The following PDE1C variants were observed in gnomAD, a reference collection of about 807,000 sequenced individuals.
PDE1C encodes phosphodiesterase 1C.
Under a neutral mutation model 93.1 loss-of-function variants are expected in PDE1C, and 62 were observed. That is an observed-to-expected ratio of 0.67 (90% CI 0.54 to 0.82). The LOEUF is 0.82. PDE1C is among the 40% of genes least tolerant of loss of function. PDE1C has a pLI of 0.00. For synonymous variants in PDE1C, 325 were observed against 310.1 expected (o/e 1.05, Z -0.50); for missense variants, 742 against 884.6 (o/e 0.84, Z 2.04).
intron 1 of PDE1C, among the ~76,000 whole-genome samples, chr7:32,413,145 C>G (rs1230545155): frequency 2.0e-5 from 3 of 152,096 alleles, no homozygotes; most frequent in Non-Finnish European, 4.4e-5. Context: ...ATATCAAACT[C>G]TAGTTAGTGG....
chr7:31,712,417 G>A, the PDE1C span, among the ~76,000 whole-genome samples: 1 of 152,224 alleles, frequency 6.6e-6, no homozygotes, highest in Non-Finnish European at 1.5e-5. Flanking sequence ...TCGCTATGGA[G>A]CCGAACACAA....
At chr7:31,839,244 G>A (rs1350263487) in intron 9 of PDE1C, among the ~76,000 whole-genome samples, 2 of 148,020 alleles carry the variant, frequency 1.4e-5, no homozygotes, top group African/African-American at 5.0e-5. Context: ...ATGTATGTGT[G>A]TATATATACA....
intron 16 of PDE1C, chr7:31,784,515 ATTATT>A (rs1479361952): frequency 6.6e-6 from 1 of 151,998 alleles, no homozygotes; most frequent in Non-Finnish European, 1.5e-5. Context: ...TATTTTTCCC[ATTATT>A]TTGTGTTTGT....
At chr7:31,804,911 T>C (rs1786617778) in intron 16 of PDE1C, among the ~76,000 whole-genome samples, 1 of 151,820 alleles carries the variant, frequency 6.6e-6, no homozygotes, top group Non-Finnish European at 1.5e-5. Flanking sequence ...AGAGCAGTGA[T>C]ATGGTTGGCT....
At chr7:31,704,797 C>A in the PDE1C span, among the ~76,000 whole-genome samples, 1 of 152,286 alleles carries the variant, frequency 6.6e-6, no homozygotes, top group South Asian at 2.1e-4. Flanking sequence ...ATAGGCAAAG[C>A]TTTCTGGCTT....
chr7:32,181,322 C>T (rs1300855683), intron 2 of PDE1C, among the ~76,000 whole-genome samples: 1 of 152,172 alleles, frequency 6.6e-6, no homozygotes, highest in East Asian at 1.9e-4. Context: ...CAGAACTCTC[C>T]ACCCCAAATC....
chr7:31,715,794 C>G, the PDE1C span, among the ~76,000 whole-genome samples: 6 of 152,146 alleles, frequency 3.9e-5, no homozygotes, highest in African/African-American at 1.4e-4. Context: ...GCACTAAATA[C>G]CTTAACAAGC....
At chr7:31,894,035 A>T (rs145333033) in intron 2 of PDE1C, among the ~76,000 whole-genome samples, 1 of 152,208 alleles carries the variant, frequency 6.6e-6, no homozygotes, top group African/African-American at 2.4e-5. Context: ...TTCTTTTCCA[A>T]TGAGCTTTAT....
intron 2 of PDE1C, among the ~76,000 whole-genome samples, chr7:31,898,035 T>A (rs1014355528): frequency 5.7e-5 from 3 of 52,372 alleles, no homozygotes; most frequent in African/African-American, 1.2e-4. Context: ...TGTGTGTGTG[T>A]GTGTGTGTGT....
intron 1 of PDE1C, among the ~76,000 whole-genome samples, chr7:32,418,310 AC>A (rs1332570611): frequency 1.3e-5 from 2 of 152,080 alleles, no homozygotes; most frequent in African/African-American, 4.8e-5. Context: ...TTCAAGTAAG[AC>A]CCCCGTACTC....
intron 2 of PDE1C, among the ~76,000 whole-genome samples, chr7:32,019,920 T>C (rs1283230308): frequency 6.6e-6 from 1 of 152,118 alleles, no homozygotes; most frequent in African/African-American, 2.4e-5. Context: ...AGGGTGGATA[T>C]ATAGGTCTGA....
intron 1 of PDE1C, among the ~76,000 whole-genome samples, chr7:32,305,543 C>T (rs999241575): frequency 2.6e-5 from 4 of 152,184 alleles, no homozygotes; most frequent in African/African-American, 4.8e-5. Context: ...TTGACTCATC[C>T]AAATCTGAAA....
chr7:32,228,888 C>G (rs113220521), intron 1 of PDE1C, among the ~76,000 whole-genome samples: 17 of 152,316 alleles, frequency 1.1e-4, no homozygotes, highest in African/African-American at 4.1e-4. Context: ...CCACTCTGCA[C>G]CCCCAGGTGA....
intron 1 of PDE1C, among the ~76,000 whole-genome samples, chr7:32,069,060 AC>A (rs745496181): frequency 6.6e-6 from 1 of 152,226 alleles, no homozygotes; most frequent in Non-Finnish European, 1.5e-5. Context: ...CGGTGGCTAG[AC>A]AAGTCAAAAA....
intron 2 of PDE1C, among the ~76,000 whole-genome samples, chr7:31,881,439 T>C: frequency 6.6e-6 from 1 of 152,130 alleles, no homozygotes; most frequent in East Asian, 1.9e-4. Flanking sequence ...AATATGAGGA[T>C]TGATTTTAAA....
At chr7:32,095,721 G>A (rs143539685) in intron 3 of PDE1C, among the ~76,000 whole-genome samples, 756 of 152,238 alleles carry the variant, frequency 5.0e-3, no homozygotes, top group African/African-American at 0.017. Flanking sequence ...TGCTGCTGGG[G>A]GTGCTTCTCT....
At chr7:31,628,452 T>A in the PDE1C span, among the ~76,000 whole-genome samples, 185 of 148,962 alleles carry the variant, frequency 1.2e-3, no homozygotes, top group African/African-American at 4.5e-3. Context: ...TGATTCCTTT[T>A]TTTTTTTTCT....
At chr7:31,690,354 T>C in the PDE1C span, among the ~76,000 whole-genome samples, 1 of 152,228 alleles carries the variant, frequency 6.6e-6, no homozygotes, top group Admixed American at 6.5e-5. Context: ...GTAGGTATTA[T>C]TATCTCTATT....
chr7:31,633,903 C>G, the PDE1C span, among the ~76,000 whole-genome samples: 1 of 152,200 alleles, frequency 6.6e-6, no homozygotes, highest in Non-Finnish European at 1.5e-5. Flanking sequence ...CTCCCTCTTC[C>G]CATGTAACTT....
Sources: allele counts gnomAD v4.1 joint callset (sites outside exome capture counted in the v4.1 genomes callset), GRCh38; gene constraint gnomAD v4.1.1; transcripts MANE v1.5; gene names NCBI Gene and HGNC (gene_info 2026-07-23, HGNC 2026-07-21).